Variants in AGBL1 observed in about 807,000 individuals in gnomAD.
AGBL1 encodes AGBL carboxypeptidase 1.
Under a neutral mutation model 118.9 loss-of-function variants are expected in AGBL1, and 130 were observed. The ratio of observed to expected loss-of-function variants is 1.09; its 90% CI spans 0.95 to 1.26. The LOEUF (loss-of-function observed/expected upper bound fraction) is 1.26. Among genes scored for constraint, AGBL1 ranks in the 50% most tolerant of loss-of-function variants. AGBL1 has a pLI of 0.00. For synonymous variants in AGBL1, 555 were observed against 478.9 expected, an observed-to-expected ratio of 1.16 and a Z score of -2.08; for missense variants, 1,584 against 1,298.1, an observed-to-expected ratio of 1.22 and a Z score of -3.38.
At chr15:86,778,714 C>A (rs898262908) in intron 22 of AGBL1, among the ~76,000 whole-genome samples, 3 of 152,150 alleles carry the variant, frequency 2.0e-5, no homozygotes, top group African/African-American at 7.2e-5. Flanking sequence ...TGTTCAAACA[C>A]ACATGCTCTA....
chr15:86,105,686 G>A (rs896936513), intron 1 of AGBL1, among the ~76,000 whole-genome samples: 1 of 152,196 alleles, frequency 6.6e-6, no homozygotes, highest in Admixed American at 6.5e-5. Flanking sequence ...AAACATCTTT[G>A]AATACAACCT....
At chr15:86,437,077 C>A (rs555006063) in intron 18 of AGBL1, among the ~76,000 whole-genome samples, 1 of 151,934 alleles carries the variant, frequency 6.6e-6, no homozygotes, top group South Asian at 2.1e-4. Context: ...AGCAGCTTCT[C>A]CCCTAGTTGC....
intron 17 of AGBL1, among the ~76,000 whole-genome samples, chr15:86,318,236 A>G (rs1027464456): frequency 3.3e-5 from 5 of 152,222 alleles, no homozygotes; most frequent in Admixed American, 2.0e-4. Context: ...ATTTATGTAG[A>G]ACATAAACAT....
At chr15:86,985,803 T>A (rs1171288606) in intron 23 of AGBL1, among the ~76,000 whole-genome samples, 1 of 152,206 alleles carries the variant, frequency 6.6e-6, no homozygotes, top group Non-Finnish European at 1.5e-5. Context: ...TGTATTTCCA[T>A]ATTTATTTCT....
intron 18 of AGBL1, among the ~76,000 whole-genome samples, chr15:86,481,838 C>G (rs2082655471): frequency 1.3e-5 from 2 of 152,210 alleles, no homozygotes; most frequent in South Asian, 4.1e-4. Context: ...TATAGCATCT[C>G]TGATAGATAT....
intron 22 of AGBL1, among the ~76,000 whole-genome samples, chr15:86,805,350 C>G (rs954932641): frequency 5.9e-5 from 9 of 152,110 alleles, no homozygotes; most frequent in African/African-American, 1.9e-4. Context: ...CAGCACGCCA[C>G]AAGACTTTCT....
chr15:86,402,055 A>T (rs2141997532), intron 18 of AGBL1, among the ~76,000 whole-genome samples: 1 of 152,156 alleles, frequency 6.6e-6, no homozygotes, highest in South Asian at 2.1e-4. Flanking sequence ...GGTTATTTTC[A>T]CAATATTGAC....
intron 18 of AGBL1, among the ~76,000 whole-genome samples, chr15:86,424,484 A>G (rs376735094): frequency 7.2e-5 from 11 of 152,218 alleles, no homozygotes; most frequent in Admixed American, 6.5e-5. Context: ...ATGGGCAAAG[A>G]CTTTGTGACT....
intron 21 of AGBL1, among the ~76,000 whole-genome samples, chr15:86,599,410 T>G (rs2084461042): frequency 6.6e-6 from 1 of 152,062 alleles, no homozygotes; most frequent in Non-Finnish European, 1.5e-5. Flanking sequence ...TCAAATTGTC[T>G]CTATATTTAT....
At position 86,640,739 on chromosome 15, in the gene AGBL1, A is replaced by G. The variant is rs952199649; in HGVS notation, c.2995-33534A>G. Reference sequence around the variant, plus strand: ...GCCCTAGTTACTTCCTTAGGAATTAAGAGTTTAATTAGTAGGTCAATGGTA... The same window carrying G: ...GCCCTAGTTACTTCCTTAGGAATTAGGAGTTTAATTAGTAGGTCAATGGTA... On this transcript the variant is annotated intron_variant, in intron 21 of 22. Coordinates refer to ENST00000614907, the MANE Select transcript of AGBL1 (RefSeq NM_001386094.1). Among the ~76,000 whole-genome samples, 6 of 152,184 alleles carry G rather than the reference A, an allele frequency of 3.9e-5. No homozygotes were observed. The East Asian group carries it at 5.8e-4, about 15-fold the overall frequency.
Position 86,560,952 on chromosome 15 carries a change from C to T in AGBL1, c.2994+6415C>T, listed in dbSNP as rs543007789. 3.3e-3 allele frequency among the ~76,000 whole-genome samples: 499 copies of T among 152,252 alleles called. 1 individual carries two copies. Among genetic ancestry groups the T allele is most frequent in the Middle Eastern group, 6.8e-3 (2 of 294 alleles). The stretch of plus-strand genomic sequence containing the variant: ...ATAAATGTCTTCTTTTGAGAAGTGT[C>T]TGTTCATATCATTTGCCCACTTTTT... On this transcript the variant is annotated intron_variant, in intron 21 of 22. Transcript: ENST00000614907.
intron 5 of AGBL1, among the ~76,000 whole-genome samples, chr15:86,193,345 G>A (rs948552342): frequency 6.6e-6 from 1 of 152,186 alleles, no homozygotes; most frequent in African/African-American, 2.4e-5. Flanking sequence ...TATGGAAATG[G>A]GAGCATGTGG....
At chr15:86,231,140 G>GT (rs531177645) in intron 6 of AGBL1, among the ~76,000 whole-genome samples, 127 of 152,100 alleles carry the variant, frequency 8.3e-4, no homozygotes, top group Non-Finnish European at 1.1e-3. Flanking sequence ...GATGAATCAT[G>GT]TTTTTTTTGC....
intron 17 of AGBL1, among the ~76,000 whole-genome samples, chr15:86,396,438 A>G (rs918515441): frequency 6.6e-6 from 1 of 152,014 alleles, no homozygotes; most frequent in African/African-American, 2.4e-5. Context: ...ATGTCAATAC[A>G]CTACCTGTAA....
At chr15:86,753,648 T>C (rs952662116) in intron 22 of AGBL1, among the ~76,000 whole-genome samples, 2 of 152,106 alleles carry the variant, frequency 1.3e-5, no homozygotes, top group African/African-American at 4.8e-5. Flanking sequence ...TCCACCCACC[T>C]TGGCCTCCCA....
chr15:86,870,032 G>A (rs1490306888), intron 22 of AGBL1, among the ~76,000 whole-genome samples: 2 of 151,980 alleles, frequency 1.3e-5, no homozygotes, highest in African/African-American at 4.8e-5. Flanking sequence ...TCCTTCCTTC[G>A]ACTGCATCAC....
At chr15:86,718,770 T>C (rs1435813280) in intron 22 of AGBL1, among the ~76,000 whole-genome samples, 1 of 152,052 alleles carries the variant, frequency 6.6e-6, no homozygotes, top group Non-Finnish European at 1.5e-5. Context: ...TGAAGGACTT[T>C]TTTAAAAAAA....
chr15:86,569,688 G>C (rs1173234572), intron 21 of AGBL1, among the ~76,000 whole-genome samples: 1 of 152,170 alleles, frequency 6.6e-6, no homozygotes, highest in Non-Finnish European at 1.5e-5. Flanking sequence ...TCAGCATCAT[G>C]ATAGAATATT....
At chr15:86,286,064 A>G (rs1045905440) in intron 16 of AGBL1, among the ~76,000 whole-genome samples, 5 of 151,804 alleles carry the variant, frequency 3.3e-5, no homozygotes, top group African/African-American at 1.2e-4. Flanking sequence ...AATGACGACT[A>G]CTGCTTTTTG....
Sources: allele counts gnomAD v4.1 joint callset (sites outside exome capture counted in the v4.1 genomes callset), GRCh38; gene constraint gnomAD v4.1.1; transcripts MANE v1.5; gene names NCBI Gene and HGNC (gene_info 2026-07-23, HGNC 2026-07-21).